The following VAV2 variants were observed in gnomAD, a reference collection of about 807,000 sequenced individuals.
The protein encoded by VAV2 is guanine nucleotide exchange factor VAV2.
VAV2 carries 67 observed loss-of-function variants against 132.5 expected under a neutral mutation model. The ratio of observed to expected loss-of-function variants is 0.51; its 90% CI spans 0.42 to 0.62. VAV2 has a LOEUF of 0.62. Ranked by LOEUF, VAV2 falls within the 20% of genes least tolerant of loss-of-function variation. The pLI is 0.00. For missense variants in VAV2, 938 were observed against 1,153.6 expected, an observed-to-expected ratio of 0.81 and a Z score of 2.71; for synonymous variants, 492 against 443.5, an observed-to-expected ratio of 1.11 and a Z score of -1.37.
intron 1 of VAV2, among the ~76,000 whole-genome samples, chr9:133,949,164 A>C (rs550215268): frequency 3.0e-4 from 45 of 152,156 alleles, no homozygotes; most frequent in African/African-American, 1.1e-3. Context: ...CTCACAACGC[A>C]CTACACCACC....
chr9:133,874,596 G>A (rs1194511905), intron 2 of VAV2, among the ~76,000 whole-genome samples: 1 of 152,160 alleles, frequency 6.6e-6, no homozygotes, highest in Non-Finnish European at 1.5e-5. Context: ...TGAGGCCAAG[G>A]TGGGGTTATG....
chr9:133,772,781 G>A (rs1157132062), intron 25 of VAV2, among the ~76,000 whole-genome samples: 1 of 152,110 alleles, frequency 6.6e-6, no homozygotes, highest in African/African-American at 2.4e-5. Flanking sequence ...GAGAGATGCA[G>A]GCAGGTGCTT....
intron 17 of VAV2, 75 bp downstream of exon 17, chr9:133,785,701 C>T: frequency 1.4e-6 from 2 of 1,435,666 alleles, no homozygotes; most frequent in Non-Finnish European, 9.7e-7. Context: ...GAACCACAGA[C>T]ACAATCCACC....
In VAV2 at chr9:133,768,673, C is replaced by T; in HGVS notation, c.2435-77G>A. On this transcript the variant is annotated intron_variant, in intron 28 of 29. Coordinates refer to ENST00000371850, the MANE Select transcript of VAV2 (RefSeq NM_001134398.2). The surrounding 1 kb of genome is among the most constrained non-coding windows in gnomAD (Gnocchi z 5.3). ...TGATCCAGGAGGCCCTTGGGCCAAG[C>T]TGGGTCTCTCCCCTGGTGCCCAGAA... is the stretch of plus-strand genomic sequence containing the variant. 3.3e-6 allele frequency: 5 copies of T among 1,529,344 alleles called. No individual in the cohort carries two copies. Among genetic ancestry groups the T allele is most frequent in the Non-Finnish European group, 3.5e-6 (4 of 1,138,782 alleles). 94.7% of individuals were successfully genotyped at this position (1,529,344 alleles called of 1,614,324 possible). A position where few individuals can be genotyped will look rare whatever the true frequency, so the allele number is the denominator to read the frequency against.
intron 2 of VAV2, among the ~76,000 whole-genome samples, chr9:133,877,020 A>G (rs901514089): frequency 6.6e-6 from 1 of 152,104 alleles, no homozygotes; most frequent in African/African-American, 2.4e-5. Flanking sequence ...TGTGGCCTTC[A>G]GCAAGTCGCT....
At chr9:133,792,938 T>C (rs1564352671) in intron 12 of VAV2, among the ~76,000 whole-genome samples, 1 of 151,960 alleles carries the variant, frequency 6.6e-6, no homozygotes, top group Non-Finnish European at 1.5e-5. Context: ...AACATCCTAA[T>C]AGAGGGAAGC....
intron 4 of VAV2, among the ~76,000 whole-genome samples, chr9:133,821,937 G>A (rs780633898): frequency 3.9e-5 from 6 of 152,148 alleles, no homozygotes; most frequent in Non-Finnish European, 8.8e-5. Context: ...AGTCAGCTGC[G>A]CTGACAGATG....
chr9:133,945,777 T>A (rs772104395), intron 1 of VAV2, among the ~76,000 whole-genome samples: 12 of 152,182 alleles, frequency 7.9e-5, no homozygotes, highest in Non-Finnish European at 1.6e-4. Context: ...CTGGCTGGCA[T>A]CCCTGAACCA....
intron 1 of VAV2, among the ~76,000 whole-genome samples, chr9:133,943,346 C>G (rs1163457086): frequency 1.3e-5 from 2 of 152,156 alleles, no homozygotes; most frequent in South Asian, 4.1e-4. Context: ...GGACACAGGC[C>G]GAGGGACAGT....
At chr9:133,795,570 C>G (rs989103937) in intron 12 of VAV2, 98 bp downstream of exon 12, 3 of 1,447,892 alleles carry the variant, frequency 2.1e-6, no homozygotes, top group Non-Finnish European at 2.9e-6. Context: ...AAACTGTCCA[C>G]AGTCAAAACT....
At chr9:133,771,250 C>A (rs1833616089) in intron 26 of VAV2, among the ~76,000 whole-genome samples, 1 of 151,900 alleles carries the variant, frequency 6.6e-6, no homozygotes, top group Non-Finnish European at 1.5e-5. Flanking sequence ...TTTTTGTAGA[C>A]ATGGGGTTTT....
At chr9:133,793,619 C>G (rs140944124) in intron 12 of VAV2, among the ~76,000 whole-genome samples, 1 of 152,198 alleles carries the variant, frequency 6.6e-6, no homozygotes, top group East Asian at 1.9e-4. Flanking sequence ...CTGCGTGCAC[C>G]TGGCCCAATG....
intron 16 of VAV2, 110 bp downstream of exon 16, chr9:133,787,136 C>T (rs1834258475): frequency 7.9e-7 from 1 of 1,272,040 alleles, no homozygotes; most frequent in South Asian, 2.3e-5. Context: ...ACCAAGAAAA[C>T]CCTGAGCCCA....
chr9:133,804,602 C>T lies in VAV2; in HGVS notation c.836+1479G>A, dbSNP rs1333812204. Reference sequence around the variant, plus strand: ...CAGGGCTTCAGCCTTTGACGGACCTCGAAGCAAACCACGCCTCATCCGTGG... The same window carrying T: ...CAGGGCTTCAGCCTTTGACGGACCTTGAAGCAAACCACGCCTCATCCGTGG... On this transcript the variant is annotated intron_variant, in intron 9 of 29. Coordinates refer to ENST00000371850, the MANE Select transcript of VAV2 (RefSeq NM_001134398.2). This position sits in a 1 kb window ranked among gnomAD's most constrained non-coding sequence, Gnocchi z 4.5. Among the ~76,000 whole-genome samples the T allele has an allele frequency of 6.6e-6, 1 of 152,194 alleles. No homozygotes were observed. The highest frequency in any genetic ancestry group is 1.9e-4 in the East Asian group (1 of 5,198).
At chr9:133,814,579 G>A (rs1835484553) in intron 4 of VAV2, among the ~76,000 whole-genome samples, 1 of 152,222 alleles carries the variant, frequency 6.6e-6, no homozygotes, top group African/African-American at 2.4e-5. Context: ...AGGGGGGTTG[G>A]CCGTTAAATG....
chr9:133,896,446 T>A (rs1839208515), intron 2 of VAV2, among the ~76,000 whole-genome samples: 1 of 151,952 alleles, frequency 6.6e-6, no homozygotes, highest in Non-Finnish European at 1.5e-5. Flanking sequence ...AGAGTGAGAC[T>A]CAGTCTCAAA....
intron 18 of VAV2, among the ~76,000 whole-genome samples, chr9:133,783,876 CG>C (rs57099405): frequency 0.29 from 36,080 of 124,616 alleles, 5,957 homozygotes; most frequent in East Asian, 0.41. Context: ...TTGGCTGGGC[CG>C]TTTTTTTTTT....
rs1160994759 is a variant in VAV2 at position 133,912,148 on chromosome 9, C to A, written c.321+26955G>T. ...CAGCTGAGCTCAGGACAGCCACCAG[C>A]TCCCGCTGGTGAACTTAGATCAGCT... On this transcript the variant is annotated intron_variant, in intron 2 of 29. Transcript: ENST00000371850. The surrounding 1 kb of genome is among the most constrained non-coding windows in gnomAD (Gnocchi z 4.3). Among the ~76,000 whole-genome samples the A allele has an allele frequency of 6.6e-6, 1 of 152,214 alleles. No individual in the cohort carries two copies. Among genetic ancestry groups the A allele is most frequent in the Non-Finnish European group, 1.5e-5 (1 of 68,040 alleles).
intron 1 of VAV2, among the ~76,000 whole-genome samples, chr9:133,974,864 C>A (rs562804358): frequency 2.6e-5 from 4 of 152,304 alleles, no homozygotes; most frequent in African/African-American, 9.6e-5. Context: ...CTGACTGGCC[C>A]CCGAAGTCTT....
Sources: allele counts gnomAD v4.1 joint callset (sites outside exome capture counted in the v4.1 genomes callset), GRCh38; gene constraint gnomAD v4.1.1; non-coding constraint Gnocchi (gnomAD v3.1); transcripts MANE v1.5; gene names NCBI Gene and HGNC (gene_info 2026-07-23, HGNC 2026-07-21).